The following GABRB2 variants were observed in gnomAD, a reference collection of about 807,000 sequenced individuals.
GABRB2 encodes the protein gamma-aminobutyric acid type A receptor subunit beta2, also known as gamma-aminobutyric acid receptor subunit beta-2.
A neutral mutation model predicts 54.7 loss-of-function variants in GABRB2; 16 were observed. That is an observed-to-expected ratio of 0.29 (90% CI 0.20 to 0.44). The LOEUF (loss-of-function observed/expected upper bound fraction) is 0.44. GABRB2 is among the 20% of genes least tolerant of loss of function. The pLI, the probability that GABRB2 is intolerant of heterozygous loss-of-function variation, is 1.00. For missense variants in GABRB2, 355 were observed against 644.0 expected, an observed-to-expected ratio of 0.55 and a Z score of 4.86; for synonymous variants, 244 against 233.8, an observed-to-expected ratio of 1.04 and a Z score of -0.40.
chr5:161,454,050 C>T (rs1047313668), intron 4 of GABRB2, among the ~76,000 whole-genome samples: 4 of 146,018 alleles, frequency 2.7e-5, no homozygotes, highest in Admixed American at 1.4e-4. Context: ...AAAAAAAAAG[C>T]ACTATTCATA....
rs1757177690 is a variant in GABRB2 at position 161,289,426 on chromosome 5, G to C, written c.*4655C>G. 6.7e-6 allele frequency: 1 copy of C among 148,292 alleles called. No homozygotes were observed. Among genetic ancestry groups the C allele is most frequent in the African/African-American group, 2.5e-5 (1 of 39,946 alleles). 9.2% of individuals were successfully genotyped at this position (148,292 alleles called of 1,614,324 possible). Reference sequence around the variant, plus strand: ...CCTTTTTTGTTTTTCAATAATTCTGGAGTCTTTGGTTGAAAGGAACAATAC... The same window carrying C: ...CCTTTTTTGTTTTTCAATAATTCTGCAGTCTTTGGTTGAAAGGAACAATAC... On this transcript the variant is annotated 3_prime_UTR_variant, in exon 10 of 10. Coordinates refer to ENST00000393959, the MANE Select transcript of GABRB2 (RefSeq NM_001371727.1).
At chr5:161,467,839 T>A (rs1235762103) in intron 3 of GABRB2, among the ~76,000 whole-genome samples, 1 of 152,064 alleles carries the variant, frequency 6.6e-6, no homozygotes, top group Non-Finnish European at 1.5e-5. Flanking sequence ...TCCATCTTAG[T>A]TATGTGTATA....
At chr5:161,317,083 G>A (rs1758062549) in intron 9 of GABRB2, among the ~76,000 whole-genome samples, 1 of 151,528 alleles carries the variant, frequency 6.6e-6, no homozygotes, top group African/African-American at 2.4e-5. Context: ...GCGTGAGAGA[G>A]AAAAAAAATG....
At chr5:161,418,775 C>T (rs1019325729) in intron 4 of GABRB2, among the ~76,000 whole-genome samples, 1 of 152,092 alleles carries the variant, frequency 6.6e-6, no homozygotes, top group Non-Finnish European at 1.5e-5. Context: ...CTACAAGGAA[C>T]TCAAACAATG....
At chr5:161,355,220 A>C (rs367657424) in intron 5 of GABRB2, among the ~76,000 whole-genome samples, 2 of 151,108 alleles carry the variant, frequency 1.3e-5, no homozygotes, top group East Asian at 3.9e-4. Flanking sequence ...TGTCTCCCTG[A>C]ACTAGAATGT....
chr5:161,467,861 T>C (rs1758323919), intron 3 of GABRB2, among the ~76,000 whole-genome samples: 1 of 152,084 alleles, frequency 6.6e-6, no homozygotes, highest in Non-Finnish European at 1.5e-5. Context: ...AGTCAATATT[T>C]CCAGTAAATG....
In GABRB2 at chr5:161,292,459, T is replaced by C. The variant is rs1757264828; in HGVS notation, c.*1622A>G. On this transcript the variant is annotated 3_prime_UTR_variant, in exon 10 of 10. Coordinates refer to ENST00000393959, the MANE Select transcript of GABRB2 (RefSeq NM_001371727.1). The stretch of plus-strand genomic sequence containing the variant: ...GCCTTATATTGATAGAAGGAAGACA[T>C]ATTAGCTTATTCTCCTCTTGTCCAA... The C allele has an allele frequency of 6.6e-6, 1 of 152,218 alleles. No individual in the cohort carries two copies. Among genetic ancestry groups the C allele is most frequent in the South Asian group, 2.1e-4 (1 of 4,834 alleles). 9.4% of individuals were successfully genotyped at this position (152,218 alleles called of 1,614,324 possible).
intron 5 of GABRB2, among the ~76,000 whole-genome samples, chr5:161,352,107 T>G (rs1027946166): frequency 6.6e-6 from 1 of 151,944 alleles, no homozygotes; most frequent in African/African-American, 2.4e-5. Context: ...GGCAAGAATG[T>G]AAATTTAATA....
intron 3 of GABRB2, among the ~76,000 whole-genome samples, chr5:161,539,078 TC>T (rs1277378244): frequency 2.6e-5 from 4 of 152,220 alleles, no homozygotes; most frequent in Non-Finnish European, 5.9e-5. Context: ...TAGAACTCTT[TC>T]CTCAAAAGTG....
At chr5:161,471,470 C>T (rs1269450491) in intron 3 of GABRB2, among the ~76,000 whole-genome samples, 1 of 152,000 alleles carries the variant, frequency 6.6e-6, no homozygotes, top group Non-Finnish European at 1.5e-5. Flanking sequence ...TGACTAATTG[C>T]TAGAGACACA....
intron 4 of GABRB2, among the ~76,000 whole-genome samples, chr5:161,442,310 A>T (rs908420665): frequency 5.9e-5 from 9 of 152,212 alleles, no homozygotes; most frequent in Non-Finnish European, 8.8e-5. Flanking sequence ...GAATGAAAAA[A>T]ATAAAGAAAC....
intron 3 of GABRB2, among the ~76,000 whole-genome samples, chr5:161,538,759 G>T (rs1035446819): frequency 6.6e-6 from 1 of 151,952 alleles, no homozygotes; most frequent in African/African-American, 2.4e-5. Flanking sequence ...AAGAGGTGAA[G>T]GTTGCAGTGA....
At chr5:161,488,961 G>C (rs1288533460) in intron 3 of GABRB2, among the ~76,000 whole-genome samples, 2 of 151,746 alleles carry the variant, frequency 1.3e-5, no homozygotes, top group African/African-American at 4.8e-5. Flanking sequence ...ACTATACTTT[G>C]AGTTTGTGTC....
intron 3 of GABRB2, among the ~76,000 whole-genome samples, chr5:161,535,713 C>G (rs548021017): frequency 6.6e-6 from 1 of 152,084 alleles, no homozygotes; most frequent in Admixed American, 6.5e-5. Context: ...TAACACAATA[C>G]CTGCACAAGT....
chr5:161,327,868 A>G (rs1197049106), intron 8 of GABRB2, among the ~76,000 whole-genome samples: 1 of 152,098 alleles, frequency 6.6e-6, no homozygotes, highest in African/African-American at 2.4e-5. Flanking sequence ...AAAAATAACT[A>G]TAGAATTACA....
At chr5:161,529,916 A>G (rs996789483) in intron 3 of GABRB2, among the ~76,000 whole-genome samples, 1 of 152,076 alleles carries the variant, frequency 6.6e-6, no homozygotes, top group African/African-American at 2.4e-5. Flanking sequence ...CATACTTTTA[A>G]TATTCTTTTA....
At chr5:161,508,705 T>A (rs780923049) in intron 3 of GABRB2, among the ~76,000 whole-genome samples, 2 of 151,998 alleles carry the variant, frequency 1.3e-5, no homozygotes, top group Non-Finnish European at 2.9e-5. Context: ...CAAGCACAGA[T>A]CTGAAGGCTG....
chr5:161,463,791 G>A (rs909385489), intron 3 of GABRB2, among the ~76,000 whole-genome samples: 1 of 150,672 alleles, frequency 6.6e-6, no homozygotes, highest in African/African-American at 2.4e-5. Flanking sequence ...ATGTTCAATT[G>A]ATTTCTGACA....
intron 5 of GABRB2, among the ~76,000 whole-genome samples, chr5:161,408,038 A>G (rs2113104971): frequency 6.6e-6 from 1 of 152,222 alleles, no homozygotes; most frequent in South Asian, 2.1e-4. Flanking sequence ...AAGATGCTAT[A>G]GAACTAAGTA....
Sources: gnomAD v4.1 joint callset for allele counts (sites outside exome capture counted in the v4.1 genomes callset) on GRCh38, gnomAD v4.1.1 for gene constraint, MANE v1.5 for transcripts, NCBI Gene and HGNC (gene_info 2026-07-23, HGNC 2026-07-21) for gene names.